Variants in OSBPL8 observed in about 807,000 individuals in gnomAD.
OSBPL8 encodes oxysterol-binding protein-related protein 8.
Under a neutral mutation model 125.5 loss-of-function variants are expected in OSBPL8, and 59 were observed. The observed-to-expected ratio is 0.47, with a 90% confidence interval of 0.38 to 0.58. The LOEUF (loss-of-function observed/expected upper bound fraction) is 0.58. OSBPL8 is among the 20% of genes least tolerant of loss of function. The pLI is 0.00. For synonymous variants in OSBPL8, 330 were observed against 338.9 expected (o/e 0.97, Z 0.29); for missense variants, 758 against 1,047.8 (o/e 0.72, Z 3.82).
At chr12:76,543,326 G>A (rs1263081695) in intron 1 of OSBPL8, among the ~76,000 whole-genome samples, 1 of 152,096 alleles carries the variant, frequency 6.6e-6, no homozygotes, top group African/African-American at 2.4e-5. Context: ...TTTTACAAAT[G>A]AGGACACTTC....
At chr12:76,527,076 A>G (rs1251548992) in intron 1 of OSBPL8, among the ~76,000 whole-genome samples, 1 of 152,092 alleles carries the variant, frequency 6.6e-6, no homozygotes, top group African/African-American at 2.4e-5. Flanking sequence ...ACACTCATTA[A>G]AATTCTAATA....
At chr12:76,501,592 C>T (rs1879907507) in intron 1 of OSBPL8, among the ~76,000 whole-genome samples, 1 of 152,214 alleles carries the variant, frequency 6.6e-6, no homozygotes, top group South Asian at 2.1e-4. Flanking sequence ...CCTCTTTCTC[C>T]AGCCACTGCT....
At chr12:76,394,131 G>A (rs2136312347) in intron 9 of OSBPL8, among the ~76,000 whole-genome samples, 1 of 152,252 alleles carries the variant, frequency 6.6e-6, no homozygotes, top group East Asian at 1.9e-4. Flanking sequence ...GCATGAAAGT[G>A]AGGACAAAAT....
intron 1 of OSBPL8, among the ~76,000 whole-genome samples, chr12:76,528,837 G>C (rs1950255516): frequency 6.6e-6 from 1 of 152,118 alleles, no homozygotes; most frequent in Non-Finnish European, 1.5e-5. Flanking sequence ...CTGGACAACA[G>C]AGGGAGACCC....
At chr12:76,376,442 C>T (rs925270723) in intron 16 of OSBPL8, among the ~76,000 whole-genome samples, 10 of 152,264 alleles carry the variant, frequency 6.6e-5, no homozygotes, top group African/African-American at 1.9e-4. Context: ...TGGGGGAACA[C>T]ACCTTAGAAA....
chr12:76,417,587 A>G (rs2136465221), intron 4 of OSBPL8, among the ~76,000 whole-genome samples: 1 of 152,156 alleles, frequency 6.6e-6, no homozygotes, highest in African/African-American at 2.4e-5. Context: ...CTTCTGACTT[A>G]CTTTCCTCTT....
In OSBPL8 at chr12:76,450,908, T is replaced by C. The variant is rs774283669; in HGVS notation, c.160A>G (p.Thr54Ala). 2 of 1,613,888 alleles carry C rather than the reference T, an allele frequency of 1.2e-6. No individual in the cohort carries two copies. Among genetic ancestry groups the C allele is most frequent in the African/African-American group, 2.7e-5 (2 of 74,904 alleles). ...GGCTGATGCAAATCTTTGGTTGGCG[T>C]TGGATAAGCTTCTTTTCCTTGGCGC... ...SQRQGKEAYP[T>A]PTKDLHQPSL... is the part of the protein sequence containing the mutation. The change falls in exon 4 of 24, where the codon ACG (threonine) becomes GCG (alanine). Residue 54 changes from threonine to alanine, a missense_variant. By Grantham distance (58) the Thr-to-Ala change is moderately conservative (BLOSUM62 0). Around this residue, in one of 3 missense-constraint regions of OSBPL8, gnomAD observed 117 missense variants for 137.1 expected, o/e 0.85. Transcript: ENST00000261183.
At chr12:76,461,503 T>G (rs759719488) in intron 2 of OSBPL8, among the ~76,000 whole-genome samples, 1 of 152,040 alleles carries the variant, frequency 6.6e-6, no homozygotes, top group Admixed American at 6.6e-5. Context: ...CAGGCTGGAG[T>G]GCAGTGGTGT....
chr12:76,399,159 G>A (rs777401887), intron 7 of OSBPL8, among the ~76,000 whole-genome samples: 7 of 152,168 alleles, frequency 4.6e-5, no homozygotes, highest in Non-Finnish European at 1.0e-4. Context: ...TTTTAGTGAG[G>A]GGAGTCCTAT....
intron 9 of OSBPL8, among the ~76,000 whole-genome samples, chr12:76,393,432 C>T (rs1483254404): frequency 6.6e-6 from 1 of 152,090 alleles, no homozygotes; most frequent in African/African-American, 2.4e-5. Flanking sequence ...AATCATCGGC[C>T]AGGCGCGGTG....
At chr12:76,446,614 T>C (rs1872748351) in intron 4 of OSBPL8, among the ~76,000 whole-genome samples, 1 of 152,138 alleles carries the variant, frequency 6.6e-6, no homozygotes. Flanking sequence ...TACTGAAGTA[T>C]AGCAAAGCCT....
chr12:76,412,463 A>G (rs1868269738), intron 4 of OSBPL8, among the ~76,000 whole-genome samples: 1 of 151,834 alleles, frequency 6.6e-6, no homozygotes, highest in Non-Finnish European at 1.5e-5. Context: ...CCCTTTCCCT[A>G]CTCTTCCATT....
In OSBPL8 at chr12:76,450,800, CCAAAAACAAAAA is replaced by C. The variant is rs752317651; in HGVS notation, c.217+39_217+50del. The C allele has an allele frequency of 5.2e-6, 8 of 1,525,744 alleles. No homozygotes were observed. The African/African-American group carries it at 5.6e-5, about 11-fold the overall frequency. 94.5% of individuals were successfully genotyped at this position (1,525,744 alleles called of 1,614,324 possible). A position where few individuals can be genotyped will look rare whatever the true frequency, so the allele number is the denominator to read the frequency against. ...AAATGTCATTCTCCCCTTCTCCCCTCCAAAAACAAAAACAAAAACAAGACAAAACATGAAAAC... is the reference window on the plus strand; with the variant it reads ...AAATGTCATTCTCCCCTTCTCCCCTCCAAAAACAAGACAAAACATGAAAAC... On this transcript the variant is annotated intron_variant, in intron 4 of 23. Coordinates refer to ENST00000261183, the MANE Select transcript of OSBPL8 (RefSeq NM_020841.5).
intron 4 of OSBPL8, among the ~76,000 whole-genome samples, chr12:76,411,870 C>G (rs569077846): frequency 6.6e-6 from 1 of 152,200 alleles, no homozygotes; most frequent in South Asian, 2.1e-4. Context: ...GGACTAACAC[C>G]ATCCAGGTAC....
Position 76,512,844 on chromosome 12 carries a change from A to C in OSBPL8, c.-67-25226T>G, listed in dbSNP as rs79473542. 2.8e-3 allele frequency among the ~76,000 whole-genome samples: 426 copies of C among 152,216 alleles called. 2 individuals are homozygous for C. The highest frequency in any genetic ancestry group is 9.8e-3 in the African/African-American group (409 of 41,544). On this transcript the variant is annotated intron_variant, in intron 1 of 23. Transcript: ENST00000261183. The stretch of plus-strand genomic sequence containing the variant: ...ATGGGAGGTTTTTCCATTTGTCTGC[A>C]TCTTTTCTGATTTCTTTGAGCAGTG...
intron 1 of OSBPL8, among the ~76,000 whole-genome samples, chr12:76,487,849 G>A (rs932319871): frequency 1.2e-4 from 18 of 152,110 alleles, no homozygotes; most frequent in Non-Finnish European, 2.6e-4. Flanking sequence ...GGTTAAACAT[G>A]AGACTGCCTA....
intron 1 of OSBPL8, among the ~76,000 whole-genome samples, chr12:76,543,940 T>C (rs972895361): frequency 1.3e-5 from 2 of 152,212 alleles, no homozygotes; most frequent in Non-Finnish European, 2.9e-5. Flanking sequence ...TATTGTTCTA[T>C]AGATTTTGAT....
intron 20 of OSBPL8, among the ~76,000 whole-genome samples, 157 bp downstream of exon 20, chr12:76,369,480 T>C (rs970438016): frequency 6.6e-5 from 10 of 152,016 alleles, no homozygotes; most frequent in Non-Finnish European, 7.4e-5. Context: ...TATCATAGAG[T>C]CAAGCTTATA....
intron 10 of OSBPL8, 123 bp from the exon 11 acceptor site, chr12:76,390,780 T>G (rs1289820399): frequency 3.1e-6 from 2 of 639,764 alleles, no homozygotes; most frequent in Non-Finnish European, 5.4e-6. Flanking sequence ...TCTAAGTGTT[T>G]TACATAGTGT....
Sources: gnomAD v4.1 joint callset for allele counts (sites outside exome capture counted in the v4.1 genomes callset) on GRCh38, gnomAD v4.1.1 for gene constraint, gnomAD v4.1.1 regional missense constraint, MANE v1.5 for transcripts, NCBI Gene and HGNC (gene_info 2026-07-23, HGNC 2026-07-21) for gene names.